ANKRD31: variants seen among roughly 807,000 people sequenced by gnomAD.
The protein encoded by ANKRD31 is ankyrin repeat domain 31.
Under a neutral mutation model 186.0 loss-of-function variants are expected in ANKRD31, and 147 were observed. That is an observed-to-expected ratio of 0.79 (90% CI 0.69 to 0.91). ANKRD31 has a LOEUF of 0.91. Ranked by LOEUF, ANKRD31 falls within the 40% of genes least tolerant of loss-of-function variation. ANKRD31 has a pLI of 0.00. For missense variants in ANKRD31, 1,986 were observed against 2,148.8 expected (o/e 0.92, Z 1.50); for synonymous variants, 673 against 736.4 (o/e 0.91, Z 1.39).
At chr5:75,095,968 A>G (rs1363939680) in intron 22 of ANKRD31, among the ~76,000 whole-genome samples, 1 of 152,234 alleles carries the variant, frequency 6.6e-6, no homozygotes, top group Admixed American at 6.5e-5. Context: ...TTAACAAGGC[A>G]CTATAAACCA....
chr5:75,107,025 T>C lies in ANKRD31; in HGVS notation c.4340+496A>G, dbSNP rs1044512438. 2.6e-5 allele frequency among the ~76,000 whole-genome samples: 4 copies of C among 151,712 alleles called. No homozygotes were observed. In the East Asian group the frequency reaches 7.7e-4, roughly 29 times the overall value. ...ATAATGCCCAAACAAGAAAAAAACA[T>C]GTAACATTTTTTTCACAAAAAAATA... is the stretch of plus-strand genomic sequence containing the variant. On this transcript the variant is annotated intron_variant, in intron 21 of 25. Coordinates refer to ENST00000506364, the MANE Select transcript of ANKRD31 (RefSeq NM_001372053.1).
chr5:75,108,305 T>C (rs548209559), intron 20 of ANKRD31, among the ~76,000 whole-genome samples: 1 of 152,188 alleles, frequency 6.6e-6, no homozygotes, highest in South Asian at 2.1e-4. Context: ...AGGTCACCTA[T>C]AGATCTTACA....
intron 10 of ANKRD31, among the ~76,000 whole-genome samples, chr5:75,177,426 C>A (rs888586392): frequency 1.3e-5 from 2 of 151,992 alleles, no homozygotes; most frequent in African/African-American, 2.4e-5. Flanking sequence ...CAAGACACAT[C>A]ATTGTCAGAT....
chr5:75,144,991 T>G (rs913950897), intron 14 of ANKRD31, among the ~76,000 whole-genome samples: 7 of 152,004 alleles, frequency 4.6e-5, no homozygotes, highest in African/African-American at 1.2e-4. Context: ...GAAAAAAAGC[T>G]CATCATCACT....
At chr5:75,141,384 A>G (rs1311969952) in intron 15 of ANKRD31, among the ~76,000 whole-genome samples, 2 of 152,184 alleles carry the variant, frequency 1.3e-5, no homozygotes, top group African/African-American at 4.8e-5. Context: ...GACAGAGAAT[A>G]TATTTGAAAA....
chr5:75,200,566 A>T (rs1254075218), intron 5 of ANKRD31, among the ~76,000 whole-genome samples: 1 of 149,644 alleles, frequency 6.7e-6, no homozygotes, highest in Non-Finnish European at 1.5e-5. Flanking sequence ...CCAAAGTGCT[A>T]GGATTACAGG....
intron 24 of ANKRD31, among the ~76,000 whole-genome samples, 195 bp from the exon 25 acceptor site, chr5:75,080,834 T>C (rs1163614532): frequency 6.6e-6 from 1 of 152,132 alleles, no homozygotes; most frequent in Admixed American, 6.5e-5. Context: ...CCAAAAACAG[T>C]ATTCTAAAAA....
At chr5:75,095,759 T>C (rs959802176) in intron 22 of ANKRD31, among the ~76,000 whole-genome samples, 12 of 152,204 alleles carry the variant, frequency 7.9e-5, no homozygotes, top group African/African-American at 2.9e-4. Context: ...CTTTTATTAT[T>C]ATTGTTAATC....
At chr5:75,073,236 G>A (rs1580267258) in intron 25 of ANKRD31, among the ~76,000 whole-genome samples, 1 of 151,812 alleles carries the variant, frequency 6.6e-6, no homozygotes, top group East Asian at 1.9e-4. Flanking sequence ...GTTTGAGGCT[G>A]CAGTGAGCTA....
chr5:75,073,572 T>G (rs1246978106), intron 25 of ANKRD31, among the ~76,000 whole-genome samples: 2 of 152,208 alleles, frequency 1.3e-5, no homozygotes, highest in Non-Finnish European at 2.9e-5. Flanking sequence ...AAAACAGTGC[T>G]TTCTTATGGA....
At chr5:75,094,412 T>C (rs1456796528) in intron 22 of ANKRD31, among the ~76,000 whole-genome samples, 11 of 152,232 alleles carry the variant, frequency 7.2e-5, no homozygotes, top group African/African-American at 2.4e-4. Flanking sequence ...GGAATAATGC[T>C]CTACAGAAGT....
At chr5:75,194,392 A>G (rs1007801381) in intron 7 of ANKRD31, among the ~76,000 whole-genome samples, 9 of 104,720 alleles carry the variant, frequency 8.6e-5, no homozygotes, top group African/African-American at 6.2e-4. Context: ...GAACACTGCA[A>G]TTTTAATCTT....
intron 15 of ANKRD31, among the ~76,000 whole-genome samples, chr5:75,140,483 C>T (rs1246750166): frequency 1.3e-5 from 2 of 152,170 alleles, no homozygotes; most frequent in Non-Finnish European, 2.9e-5. Flanking sequence ...CCCCAGTCCA[C>T]TCCAAACTTA....
At position 75,147,355 on chromosome 5, in the gene ANKRD31, G is replaced by A; in HGVS notation, c.2056C>T (p.Pro686Ser). The change falls in exon 14 of 26, where the codon CCC (proline) becomes TCC (serine). Residue 686 changes from proline (P) to serine (S), a missense_variant. Transcript: ENST00000506364. ...GATTTACCAAATTTTGTGTTTTTGG[G>A]ATCTTTTTGGTAATATTCATATACA... ...EDVYEYYQKD[P>S]KNTKFGKSKH... 1 of 1,532,238 alleles carries A rather than the reference G, an allele frequency of 6.5e-7. No homozygotes were observed. Among genetic ancestry groups the A allele is most frequent in the Non-Finnish European group, 8.7e-7 (1 of 1,144,908 alleles). The allele number at this position is 1,532,238 out of a possible 1,614,324, so 94.9% of individuals were successfully genotyped here.
At chr5:75,230,057 ATCTGTGTG>A (rs892129613) in intron 2 of ANKRD31, among the ~76,000 whole-genome samples, 6 of 151,598 alleles carry the variant, frequency 4.0e-5, no homozygotes, top group African/African-American at 1.5e-4. Context: ...GCGTGTGTGT[ATCTGTGTG>A]TCTGTGTGTG....
chr5:75,098,503 T>A (rs965865677), intron 22 of ANKRD31, among the ~76,000 whole-genome samples: 1 of 152,154 alleles, frequency 6.6e-6, no homozygotes, highest in Non-Finnish European at 1.5e-5. Flanking sequence ...TGGCATTGAA[T>A]CTATAAATTA....
intron 15 of ANKRD31, among the ~76,000 whole-genome samples, chr5:75,141,817 C>A (rs1355304191): frequency 1.3e-5 from 2 of 151,934 alleles, no homozygotes; most frequent in Admixed American, 6.6e-5. Flanking sequence ...ACAACAACAA[C>A]AAACTCTCCC....
chr5:75,081,330 G>A (rs61380367), intron 24 of ANKRD31, among the ~76,000 whole-genome samples: 19 of 151,920 alleles, frequency 1.3e-4, no homozygotes, highest in African/African-American at 4.3e-4. Flanking sequence ...GTCCAATGGC[G>A]CAGTAACATA....
chr5:75,119,179 G>T (rs1273370107), intron 17 of ANKRD31, among the ~76,000 whole-genome samples: 3 of 152,048 alleles, frequency 2.0e-5, no homozygotes, highest in African/African-American at 7.2e-5. Context: ...TGAGGTTTGG[G>T]GTATGAATTA....
Sources: allele counts gnomAD v4.1 joint callset (sites outside exome capture counted in the v4.1 genomes callset), GRCh38; gene constraint gnomAD v4.1.1; transcripts MANE v1.5; gene names NCBI Gene and HGNC (gene_info 2026-07-23, HGNC 2026-07-21).